Variants in WDR45B observed in about 807,000 individuals in gnomAD.
The protein encoded by WDR45B is WD repeat domain phosphoinositide-interacting protein 3.
WDR45B carries 20 observed loss-of-function variants against 44.6 expected under a neutral mutation model. That is an observed-to-expected ratio of 0.45 (90% CI 0.32 to 0.65). The LOEUF is 0.65. WDR45B is among the 30% of genes least tolerant of loss of function. The pLI, the probability that WDR45B is intolerant of heterozygous loss-of-function variation, is 0.05. For synonymous variants in WDR45B, 169 were observed against 164.9 expected (o/e 1.02, Z -0.19); for missense variants, 323 against 430.2 (o/e 0.75, Z 2.20).
intron 6 of WDR45B, 91 bp from the exon 7 acceptor site, chr17:82,619,219 C>T (rs1048829425): frequency 4.0e-5 from 49 of 1,214,386 alleles, no homozygotes; most frequent in Non-Finnish European, 5.4e-5. Flanking sequence ...TCCATTAGTC[C>T]ACACAAGCCT....
intron 2 of WDR45B, among the ~76,000 whole-genome samples, chr17:82,639,500 C>T (rs2045880941): frequency 6.6e-6 from 1 of 152,066 alleles, no homozygotes; most frequent in African/African-American, 2.4e-5. Context: ...CCAAAGCTAC[C>T]CACCACCTCT....
rs376283191 is a variant in WDR45B, at chr17:82,617,363, C to T, written c.739G>A (p.Val247Ile). 77 of 1,613,944 alleles carry T rather than the reference C, an allele frequency of 4.8e-5. No individual in the cohort carries two copies. Among genetic ancestry groups the T allele is most frequent in the Non-Finnish European group, 6.2e-5 (73 of 1,180,002 alleles). ...NFNQDASLIC[V>I]SSDHGTVHIF... ...TGCACTGTGCCGTGGTCGCTGGATACGCAGATGAGGGACGCATCCTGATTG... is the reference window on the plus strand; with the variant it reads ...TGCACTGTGCCGTGGTCGCTGGATATGCAGATGAGGGACGCATCCTGATTG... The change falls in exon 8 of 10, where the codon GTA (valine) becomes ATA (isoleucine). Residue 247 changes from valine (V) to isoleucine (I), a missense_variant. Physicochemically the swap from Val to Ile is conservative, Grantham distance 29. Coordinates refer to ENST00000392325, the MANE Select transcript of WDR45B (RefSeq NM_019613.4).
chr17:82,620,631 A>G (rs947784848), intron 6 of WDR45B, among the ~76,000 whole-genome samples: 3 of 152,174 alleles, frequency 2.0e-5, no homozygotes, highest in Non-Finnish European at 2.9e-5. Context: ...AACGGATACC[A>G]TCACCGGCTT....
At position 82,644,172 on chromosome 17, in the gene WDR45B, T is replaced by C. The variant is rs529775234; in HGVS notation, c.68-149A>G. ...TGCTAAGTCACAACTCCTGTCCTTG[T>C]ACAAATGTTACTAAGTGACAAGCAC... is the stretch of plus-strand genomic sequence containing the variant. On this transcript the variant is annotated intron_variant, in intron 1 of 9. Transcript: ENST00000392325. 1.1e-5 allele frequency: 8 copies of C among 739,358 alleles called. No individual in the cohort carries two copies. The African/African-American group carries it at 1.2e-4, about 11-fold the overall frequency. 45.8% of individuals were successfully genotyped at this position (739,358 alleles called of 1,614,324 possible). A position where few individuals can be genotyped will look rare whatever the true frequency, so the allele number is the denominator to read the frequency against.
chr17:82,637,548 C>G (rs1371283274), intron 2 of WDR45B, among the ~76,000 whole-genome samples: 1 of 151,962 alleles, frequency 6.6e-6, no homozygotes, highest in African/African-American at 2.4e-5. Flanking sequence ...CCGACTGCAC[C>G]ACACACCAGT....
intron 2 of WDR45B, among the ~76,000 whole-genome samples, chr17:82,638,305 AAAGG>A (rs1420415948): frequency 1.6e-5 from 2 of 123,170 alleles, no homozygotes; most frequent in Admixed American, 8.2e-5. Context: ...AAAAGAAAAG[AAAGG>A]AAGGAAGGTG....
chr17:82,624,455 T>C (rs1263403244), intron 5 of WDR45B, among the ~76,000 whole-genome samples: 1 of 151,624 alleles, frequency 6.6e-6, no homozygotes, highest in Non-Finnish European at 1.5e-5. Context: ...AGAGATGAGG[T>C]TTCACCACGT....
chr17:82,636,367 T>G (rs1438156244), intron 2 of WDR45B: 2 of 151,848 alleles, frequency 1.3e-5, no homozygotes, highest in Non-Finnish European at 2.9e-5. Context: ...AAACAGATTT[T>G]TCAGAATCAA....
chr17:82,647,356 A>C (rs1327948953), intron 1 of WDR45B, among the ~76,000 whole-genome samples: 1 of 152,240 alleles, frequency 6.6e-6, no homozygotes, highest in Non-Finnish European at 1.5e-5. Flanking sequence ...AATAACGGAC[A>C]TTCCTTTTCC....
intron 2 of WDR45B, among the ~76,000 whole-genome samples, chr17:82,642,855 G>A (rs1361645498): frequency 1.3e-5 from 2 of 152,158 alleles, no homozygotes; most frequent in Non-Finnish European, 2.9e-5. Flanking sequence ...GGACACCAAC[G>A]TCTACAACTC....
At chr17:82,639,691 CTGTGTCAGGTCGAGAGGGCTGCCAGGCTG>C (rs1390838811) in intron 2 of WDR45B, among the ~76,000 whole-genome samples, 1 of 150,336 alleles carries the variant, frequency 6.7e-6, no homozygotes, top group Non-Finnish European at 1.5e-5. Flanking sequence ...GGCTGCTGGG[CTGTGTCAGGTCGAGAGGGCTGCCAGGCTG>C]TGTGTCAGGT....
At chr17:82,635,301 G>C (rs1442256847) in intron 2 of WDR45B, among the ~76,000 whole-genome samples, 1 of 151,654 alleles carries the variant, frequency 6.6e-6, no homozygotes, top group African/African-American at 2.4e-5. Context: ...ATTATGTCAA[G>C]GTCACTAATG....
At chr17:82,636,572 G>C (rs1047836382) in intron 2 of WDR45B, 9 of 151,994 alleles carry the variant, frequency 5.9e-5, no homozygotes, top group Admixed American at 5.9e-4. Context: ...TACATTCAGA[G>C]CTTTCTATGT....
rs2045551718 is a variant in WDR45B at position 82,617,399 on chromosome 17, T to C, written c.705-2A>G. 1 of 1,614,008 alleles carries C rather than the reference T, an allele frequency of 6.2e-7. No individual in the cohort carries two copies. The highest frequency in any genetic ancestry group is 8.5e-7 in the Non-Finnish European group (1 of 1,180,006). ...GACGCATCCTGATTGAAGTTGATGC[T>C]GCAGAGAAAACCAGCACAGCTCAGG... On this transcript the variant is annotated splice_acceptor_variant, in intron 7 of 9. Transcript: ENST00000392325. LOFTEE classifies it high-confidence loss of function.
At position 82,648,421 on chromosome 17, in the gene WDR45B, G is replaced by A; in HGVS notation, c.-81C>T. On this transcript the variant is annotated 5_prime_UTR_variant, in exon 1 of 10. Transcript: ENST00000392325. ...GGCGGCCTGGTCCCTTCGGGCCGGC[G>A]CTGAGGCCGCCGCGGCCGGAAGTGC... is the stretch of plus-strand genomic sequence containing the variant. 9.2e-6 allele frequency: 14 copies of A among 1,527,160 alleles called. No individual in the cohort carries two copies. The highest frequency in any genetic ancestry group is 1.2e-5 in the South Asian group (1 of 84,640). The allele number at this position is 1,527,160 out of a possible 1,614,324, so 94.6% of individuals were successfully genotyped here.
intron 2 of WDR45B, among the ~76,000 whole-genome samples, chr17:82,640,644 T>C (rs747274326): frequency 2.6e-5 from 4 of 152,114 alleles, no homozygotes; most frequent in South Asian, 2.1e-4. Flanking sequence ...CTGCTCTTCA[T>C]TGTTAAACTG....
intron 1 of WDR45B, 49 bp downstream of exon 1, chr17:82,648,225 G>A (rs764175752): frequency 3.8e-6 from 6 of 1,573,804 alleles, no homozygotes; most frequent in Non-Finnish European, 5.2e-6. Flanking sequence ...GGGACCCCGG[G>A]CTGCGGGAAG....
chr17:82,641,213 C>T (rs1358944005), intron 2 of WDR45B, among the ~76,000 whole-genome samples: 5 of 151,966 alleles, frequency 3.3e-5, no homozygotes, highest in South Asian at 4.1e-4. Flanking sequence ...GCAATCTGCT[C>T]GCCTCAGCCT....
intron 4 of WDR45B, 110 bp downstream of exon 4, chr17:82,627,093 AT>A (rs1244798575): frequency 1.1e-6 from 1 of 913,596 alleles, no homozygotes; most frequent in Non-Finnish European, 1.8e-6. Context: ...CAGGACCAAC[AT>A]TTTAATACAT....
Sources: gnomAD v4.1 joint callset for allele counts (sites outside exome capture counted in the v4.1 genomes callset) on GRCh38, gnomAD v4.1.1 for gene constraint, MANE v1.5 for transcripts, NCBI Gene and HGNC (gene_info 2026-07-23, HGNC 2026-07-21) for gene names.